The following SGCZ variants were observed in gnomAD, a reference collection of about 807,000 sequenced individuals.
SGCZ encodes sarcoglycan zeta.
SGCZ carries 40 observed loss-of-function variants against 41.3 expected under a neutral mutation model. The ratio of observed to expected loss-of-function variants is 0.97; its 90% CI spans 0.75 to 1.26. SGCZ has a LOEUF of 1.26. Ranked by LOEUF, SGCZ falls within the 50% of genes most tolerant of loss-of-function variation. The pLI is 0.00. For synonymous variants in SGCZ, 206 were observed against 137.5 expected (o/e 1.50, Z -3.49); for missense variants, 552 against 369.8 (o/e 1.49, Z -4.04).
intron 1 of SGCZ, among the ~76,000 whole-genome samples, chr8:15,231,658 G>A (rs1323759766): frequency 8.2e-5 from 9 of 109,608 alleles, no homozygotes; most frequent in Non-Finnish European, 1.7e-5. Context: ...TTCTCACTCT[G>A]TCACCCAGGC....
chr8:14,706,699 G>A (rs531937707), intron 1 of SGCZ, among the ~76,000 whole-genome samples: 12 of 152,166 alleles, frequency 7.9e-5, no homozygotes, highest in African/African-American at 2.2e-4. Context: ...ACACTGATGC[G>A]TTAAAATGAT....
At chr8:14,538,574 T>G (rs756932629) in intron 2 of SGCZ, among the ~76,000 whole-genome samples, 1 of 151,998 alleles carries the variant, frequency 6.6e-6, no homozygotes, top group Non-Finnish European at 1.5e-5. Flanking sequence ...ATACTTTCTA[T>G]GGAGAAAGTG....
intron 1 of SGCZ, among the ~76,000 whole-genome samples, chr8:14,810,114 CA>C (rs547427017): frequency 6.6e-6 from 1 of 151,596 alleles, no homozygotes; most frequent in Admixed American, 6.6e-5. Context: ...GAAGTAATGG[CA>C]AAAAAATTTC....
At chr8:15,076,470 C>T (rs546287668) in intron 1 of SGCZ, among the ~76,000 whole-genome samples, 1 of 152,244 alleles carries the variant, frequency 6.6e-6, no homozygotes, top group Admixed American at 6.5e-5. Context: ...AAATGGATGT[C>T]GTGGAAGCAG....
intron 1 of SGCZ, among the ~76,000 whole-genome samples, chr8:14,560,398 TG>T (rs962284699): frequency 5.3e-5 from 8 of 151,776 alleles, no homozygotes; most frequent in African/African-American, 1.9e-4. Context: ...AAAGGAGCTC[TG>T]GGGATGATCA....
At chr8:14,188,424 T>C (rs1871095) in intron 4 of SGCZ, among the ~76,000 whole-genome samples, 2 of 152,164 alleles carry the variant, frequency 1.3e-5, no homozygotes, top group African/African-American at 4.8e-5. Flanking sequence ...AAACATTATG[T>C]TTGGTGAAAA....
chr8:15,230,303 G>A (rs1005479467), intron 1 of SGCZ, among the ~76,000 whole-genome samples: 1 of 152,006 alleles, frequency 6.6e-6, no homozygotes, highest in Non-Finnish European at 1.5e-5. Flanking sequence ...GAAACTCAGT[G>A]AAAAATCTCT....
intron 2 of SGCZ, among the ~76,000 whole-genome samples, chr8:14,409,578 A>G (rs998562298): frequency 2.0e-5 from 3 of 152,148 alleles, no homozygotes; most frequent in African/African-American, 7.2e-5. Flanking sequence ...TACTCTGTAC[A>G]AAGATGCAAG....
intron 2 of SGCZ, among the ~76,000 whole-genome samples, chr8:14,406,868 T>C (rs6990914): frequency 0.13 from 20,397 of 151,986 alleles, 2,994 homozygotes; most frequent in African/African-American, 0.36. Flanking sequence ...GCGTATAGGG[T>C]AGCCTCCTTT....
At chr8:14,930,973 C>T (rs551479719) in intron 1 of SGCZ, among the ~76,000 whole-genome samples, 7 of 151,856 alleles carry the variant, frequency 4.6e-5, no homozygotes, top group African/African-American at 7.3e-5. Context: ...TGTAACAAAC[C>T]GGTACGTTCT....
intron 1 of SGCZ, among the ~76,000 whole-genome samples, chr8:15,076,974 T>C (rs1050324922): frequency 6.6e-6 from 1 of 152,182 alleles, no homozygotes; most frequent in East Asian, 1.9e-4. Context: ...TTTGACAAGT[T>C]GCGCTTTTCT....
chr8:14,276,732 T>C (rs1049045611), intron 3 of SGCZ, among the ~76,000 whole-genome samples: 4 of 152,198 alleles, frequency 2.6e-5, no homozygotes, highest in Non-Finnish European at 5.9e-5. Flanking sequence ...GATTTAATTC[T>C]ACGCCACCAC....
At chr8:14,097,964 T>C (rs931350819) in intron 7 of SGCZ, among the ~76,000 whole-genome samples, 7 of 152,146 alleles carry the variant, frequency 4.6e-5, no homozygotes, top group Non-Finnish European at 1.0e-4. Flanking sequence ...AAATATCTTA[T>C]TCTGCTGATC....
chr8:15,214,655 G>A (rs922785293), intron 1 of SGCZ, among the ~76,000 whole-genome samples: 24 of 152,064 alleles, frequency 1.6e-4, no homozygotes, highest in Non-Finnish European at 3.5e-4. Context: ...ATCGTGGGGA[G>A]CTCACGTTAC....
chr8:14,678,140 C>T lies in SGCZ; in HGVS notation c.40-123214G>A, dbSNP rs370871133. Among the ~76,000 whole-genome samples the T allele has an allele frequency of 1.5e-3, 222 of 152,054 alleles. 3 individuals are homozygous for T. The South Asian group carries it at 0.033, about 23-fold the overall frequency. The stretch of plus-strand genomic sequence containing the variant: ...ATGAGCTTTTGTTTGGCAATGTTGA[C>T]GTAGATACAACAACAAAGACATAAT... On this transcript the variant is annotated intron_variant, in intron 1 of 7. Transcript: ENST00000382080.
intron 2 of SGCZ, among the ~76,000 whole-genome samples, chr8:14,410,269 C>T (rs1466444401): frequency 1.3e-5 from 2 of 151,984 alleles, no homozygotes; most frequent in Admixed American, 6.6e-5. Flanking sequence ...AAAACCCATC[C>T]CTGATGCCAA....
intron 3 of SGCZ, among the ~76,000 whole-genome samples, chr8:14,299,580 G>C (rs1801120689): frequency 6.6e-6 from 1 of 151,898 alleles, no homozygotes. Flanking sequence ...TTTGCCATCA[G>C]GGAAATGTGA....
At chr8:14,293,226 A>G (rs973159441) in intron 3 of SGCZ, among the ~76,000 whole-genome samples, 1 of 152,068 alleles carries the variant, frequency 6.6e-6, no homozygotes, top group African/African-American at 2.4e-5. Context: ...GATGACAGAA[A>G]AATCCCAGTG....
At chr8:14,577,872 A>G in intron 1 of SGCZ, among the ~76,000 whole-genome samples, 1 of 152,196 alleles carries the variant, frequency 6.6e-6, no homozygotes, top group East Asian at 1.9e-4. Flanking sequence ...TCAAGGCTGG[A>G]CCATGTAAAT....
Sources: gnomAD v4.1 joint callset for allele counts (sites outside exome capture counted in the v4.1 genomes callset) on GRCh38, gnomAD v4.1.1 for gene constraint, MANE v1.5 for transcripts, NCBI Gene and HGNC (gene_info 2026-07-23, HGNC 2026-07-21) for gene names.